CPM: variants seen among roughly 807,000 people sequenced by gnomAD.
CPM encodes the protein renal carboxypeptidase.
A neutral mutation model predicts 46.4 loss-of-function variants in CPM; 35 were observed. The observed-to-expected ratio is 0.75, with a 90% CI of 0.58 to 1.00. The LOEUF (loss-of-function observed/expected upper bound fraction) is 1.00, where lower values mean the gene tolerates loss of function less well. CPM is among the 50% of genes least tolerant of loss of function. The pLI is 0.00. For missense variants in CPM, 422 were observed against 530.4 expected, an observed-to-expected ratio of 0.80 and a Z score of 2.01; for synonymous variants, 195 against 195.3, an observed-to-expected ratio of 1.00 and a Z score of 0.01.
chr12:68,920,948 T>C (rs1448396188), intron 2 of CPM, among the ~76,000 whole-genome samples: 3 of 151,340 alleles, frequency 2.0e-5, no homozygotes, highest in Non-Finnish European at 4.4e-5. Flanking sequence ...GCAATCGGCC[T>C]GCCTTGGCCT....
At chr12:68,933,569 C>T (rs1045436094), upstream of CPM, among the ~76,000 whole-genome samples, 1 of 152,034 alleles carries the variant, frequency 6.6e-6, no homozygotes, top group African/African-American at 2.4e-5. Flanking sequence ...GGGTTTCCTG[C>T]GGTTGGCGGT....
At chr12:68,844,909 A>G in intron 5 of CPM, 1 of 200,870 alleles carries the variant, frequency 5.0e-6, no homozygotes. Context: ...CTGGGGTTAG[A>G]GCACCCTGTC....
At chr12:68,935,874 G>GT (rs1447379151), upstream of CPM, among the ~76,000 whole-genome samples, 3 of 152,174 alleles carry the variant, frequency 2.0e-5, no homozygotes, top group Non-Finnish European at 4.4e-5. Flanking sequence ...AGAGAAGTAC[G>GT]TGGACACTAT....
intron 2 of CPM, among the ~76,000 whole-genome samples, chr12:68,929,131 C>T (rs1399018543): frequency 6.6e-6 from 1 of 151,826 alleles, no homozygotes; most frequent in Non-Finnish European, 1.5e-5. Flanking sequence ...CACAAGGGTT[C>T]ATTTTTTAAA....
downstream of CPM, chr12:68,849,399 T>TCG (rs1555190554): frequency 7.7e-6 from 1 of 129,090 alleles, no homozygotes; most frequent in African/African-American, 2.6e-5. Context: ...CGTTTTTTTT[T>TCG]TTGTTGTTGT....
chr12:68,937,194 T>A (rs1461180540), upstream of CPM, among the ~76,000 whole-genome samples: 1 of 152,230 alleles, frequency 6.6e-6, no homozygotes, highest in Non-Finnish European at 1.5e-5. Flanking sequence ...ATAGAAGTAA[T>A]TTGAAGATGT....
At chr12:68,848,005 A>G (rs1193206938), downstream of CPM, 2 of 152,174 alleles carry the variant, frequency 1.3e-5, no homozygotes, top group East Asian at 1.9e-4. Context: ...TATCCAAAAA[A>G]TTGTGGTGGC....
intron 6 of CPM, among the ~76,000 whole-genome samples, 200 bp downstream of exon 6, chr12:68,869,125 C>T (rs1353361504): frequency 6.6e-6 from 1 of 152,142 alleles, no homozygotes; most frequent in Non-Finnish European, 1.5e-5. Context: ...ATGAAGAAGG[C>T]CCTTGGTAAT....
intron 2 of CPM, among the ~76,000 whole-genome samples, chr12:68,908,393 C>G (rs533914244): frequency 2.7e-5 from 4 of 150,094 alleles, no homozygotes; most frequent in Non-Finnish European, 5.9e-5. Flanking sequence ...CCACAGGACA[C>G]AGCTTTTTTT....
intron 1 of CPM, among the ~76,000 whole-genome samples, chr12:68,947,616 A>G (rs1289671290): frequency 6.6e-6 from 1 of 151,480 alleles, no homozygotes; most frequent in African/African-American, 2.4e-5. Flanking sequence ...AAAAGAAAAG[A>G]AAGAATTTTT....
chr12:68,860,358 T>G (rs1408703976), intron 7 of CPM, among the ~76,000 whole-genome samples: 1 of 152,204 alleles, frequency 6.6e-6, no homozygotes, highest in Non-Finnish European at 1.5e-5. Context: ...CATATCCTTT[T>G]GATGTTTAGG....
intron 1 of CPM, among the ~76,000 whole-genome samples, chr12:68,939,786 G>T (rs1294758277): frequency 6.6e-6 from 1 of 152,118 alleles, no homozygotes; most frequent in Admixed American, 6.5e-5. Flanking sequence ...GGTGATATGT[G>T]AAAATGCCTG....
intron 2 of CPM, among the ~76,000 whole-genome samples, chr12:68,892,033 G>A (rs1004704450): frequency 1.3e-5 from 2 of 152,010 alleles, no homozygotes; most frequent in African/African-American, 2.4e-5. Context: ...CACTTCACGC[G>A]GCTGGAAATC....
intron 2 of CPM, among the ~76,000 whole-genome samples, chr12:68,908,604 T>C (rs570194089): frequency 6.6e-6 from 1 of 152,254 alleles, no homozygotes; most frequent in Admixed American, 6.5e-5. Flanking sequence ...TCTATCTACA[T>C]ACCACTCGAT....
chr12:68,915,965 T>C (rs1045503039), intron 2 of CPM, among the ~76,000 whole-genome samples: 7 of 152,194 alleles, frequency 4.6e-5, no homozygotes, highest in African/African-American at 1.4e-4. Flanking sequence ...GCACAGTGCA[T>C]GGCAGATAAA....
At chr12:68,959,184 T>C (rs1441264731) in intron 1 of CPM, among the ~76,000 whole-genome samples, 1 of 152,232 alleles carries the variant, frequency 6.6e-6, no homozygotes, top group African/African-American at 2.4e-5. Context: ...TCCCGTTCAG[T>C]GTTGCATCCC....
chr12:68,906,729 C>T (rs904882540), intron 2 of CPM, among the ~76,000 whole-genome samples: 6 of 152,078 alleles, frequency 3.9e-5, no homozygotes, highest in South Asian at 2.1e-4. Context: ...ATGATCCGCC[C>T]GCCTCAGCCT....
At chr12:68,915,910 G>A (rs1055639068) in intron 2 of CPM, among the ~76,000 whole-genome samples, 4 of 152,142 alleles carry the variant, frequency 2.6e-5, no homozygotes, top group Admixed American at 6.5e-5. Flanking sequence ...GGAACTTATC[G>A]CAGTTTTTAA....
rs1884953000 is a variant in CPM, at chr12:68,856,002, G to C, written c.*435C>G. ...CCACCTTGGCCTCCCAAAGTGCTGG[G>C]ATTACAAGGTGTGAGCCACTGCTCC... On this transcript the variant is annotated 3_prime_UTR_variant, in exon 9 of 9. Transcript: ENST00000551568. The C allele has an allele frequency of 6.0e-6, 1 of 167,188 alleles. No homozygotes were observed. The highest frequency in any genetic ancestry group is 5.7e-5 in the Admixed American group (1 of 17,538). The allele number at this position is 167,188 out of a possible 1,614,324, so 10.4% of individuals were successfully genotyped here.
Sources: allele counts gnomAD v4.1 joint callset (sites outside exome capture counted in the v4.1 genomes callset), GRCh38; gene constraint gnomAD v4.1.1; transcripts MANE v1.5; gene names NCBI Gene and HGNC (gene_info 2026-07-23, HGNC 2026-07-21).